KCNH5: variants seen among roughly 807,000 people sequenced by gnomAD.
The protein encoded by KCNH5 is voltage-gated delayed rectifier potassium channel KCNH5.
Under a neutral mutation model 96.1 loss-of-function variants are expected in KCNH5, and 46 were observed. The observed-to-expected ratio is 0.48, with a 90% CI of 0.38 to 0.61. The LOEUF (loss-of-function observed/expected upper bound fraction) is 0.61. Among genes scored for constraint, KCNH5 ranks in the 20% least tolerant of loss-of-function variants. The pLI, the probability that KCNH5 is intolerant of heterozygous loss-of-function variation, is 0.00. For synonymous variants in KCNH5, 439 were observed against 449.8 expected (o/e 0.98, Z 0.30); for missense variants, 907 against 1,225.8 (o/e 0.74, Z 3.88).
intron 9 of KCNH5, among the ~76,000 whole-genome samples, chr14:62,786,015 A>C (rs1019084670): frequency 1.3e-5 from 2 of 152,150 alleles, no homozygotes; most frequent in Admixed American, 1.3e-4. Context: ...ACATGGTGAA[A>C]TCCCATTTCT....
rs1363783793 is a variant in KCNH5, at chr14:62,813,622, G to C, written c.1570-11041C>G. Among the ~76,000 whole-genome samples, 5 of 152,262 alleles carry C rather than the reference G, an allele frequency of 3.3e-5. No individual in the cohort carries two copies. The East Asian group carries it at 9.7e-4, about 29-fold the overall frequency. ...GGAATAAATGCATTAATGACATTTT[G>C]ATAGACATTGGAGCTACCACCAAAT... On this transcript the variant is annotated intron_variant, in intron 8 of 10. Transcript: ENST00000322893.
intron 6 of KCNH5, among the ~76,000 whole-genome samples, chr14:62,977,537 A>G (rs1286019477): frequency 6.6e-6 from 1 of 152,170 alleles, no homozygotes; most frequent in Non-Finnish European, 1.5e-5. Flanking sequence ...AAAACCTAAA[A>G]TTGACAAACC....
chr14:62,936,852 A>T (rs1413325954), intron 7 of KCNH5, among the ~76,000 whole-genome samples: 1 of 151,714 alleles, frequency 6.6e-6, no homozygotes, highest in African/African-American at 2.4e-5. Context: ...GTGGTGGCAC[A>T]TGCCTGTAAT....
chr14:62,811,668 C>A (rs1464201979), intron 8 of KCNH5, among the ~76,000 whole-genome samples: 2 of 151,860 alleles, frequency 1.3e-5, no homozygotes, highest in African/African-American at 4.8e-5. Context: ...ACAGAATTAT[C>A]AATAGATATT....
intron 10 of KCNH5, among the ~76,000 whole-genome samples, chr14:62,756,005 C>T (rs190773308): frequency 8.6e-5 from 13 of 151,702 alleles, no homozygotes; most frequent in Admixed American, 6.6e-4. Flanking sequence ...TAGTACTATA[C>T]CAAATGGGGA....
chr14:62,853,356 T>A (rs996766945), intron 7 of KCNH5, among the ~76,000 whole-genome samples: 1 of 149,872 alleles, frequency 6.7e-6, no homozygotes, highest in African/African-American at 2.5e-5. Flanking sequence ...AGATAACGCA[T>A]ATAAAAAAGT....
intron 7 of KCNH5, among the ~76,000 whole-genome samples, chr14:62,894,307 GA>G (rs1168375316): frequency 5.9e-5 from 9 of 152,138 alleles, no homozygotes; most frequent in African/African-American, 2.2e-4. Context: ...CAGGCACACT[GA>G]ATCTAAGTAT....
intron 6 of KCNH5, among the ~76,000 whole-genome samples, chr14:62,970,527 A>G (rs939488927): frequency 6.6e-6 from 1 of 152,216 alleles, no homozygotes; most frequent in African/African-American, 2.4e-5. Flanking sequence ...AGACAAAGAC[A>G]TTACAAGAAA....
At chr14:62,820,408 G>T (rs943159987) in intron 8 of KCNH5, among the ~76,000 whole-genome samples, 2 of 151,158 alleles carry the variant, frequency 1.3e-5, no homozygotes, top group Non-Finnish European at 3.0e-5. Context: ...GTGCAGTGGG[G>T]GTTTGTTGTA....
chr14:62,781,608 T>C (rs897859092), intron 9 of KCNH5, among the ~76,000 whole-genome samples: 3 of 152,212 alleles, frequency 2.0e-5, no homozygotes, highest in Non-Finnish European at 4.4e-5. Flanking sequence ...GGATGTTCCA[T>C]GCTGAGAAAA....
chr14:62,787,100 G>T (rs1351236564), intron 9 of KCNH5, among the ~76,000 whole-genome samples: 2 of 152,164 alleles, frequency 1.3e-5, no homozygotes, highest in African/African-American at 4.8e-5. Flanking sequence ...CATGTCAAAA[G>T]CTAAAATAGG....
intron 2 of KCNH5, among the ~76,000 whole-genome samples, chr14:63,015,293 G>A (rs1029232943): frequency 1.3e-5 from 2 of 152,010 alleles, no homozygotes; most frequent in East Asian, 3.9e-4. Flanking sequence ...GTAGGTTTAA[G>A]CGGGGTAGGA....
intron 7 of KCNH5, among the ~76,000 whole-genome samples, chr14:62,904,736 T>C (rs1888993511): frequency 6.6e-6 from 1 of 152,234 alleles, no homozygotes; most frequent in Non-Finnish European, 1.5e-5. Flanking sequence ...GGCTGGACTT[T>C]GATCAAATAA....
chr14:62,877,808 C>T (rs1229404738), intron 7 of KCNH5, among the ~76,000 whole-genome samples: 1 of 151,914 alleles, frequency 6.6e-6, no homozygotes, highest in African/African-American at 2.4e-5. Flanking sequence ...GGATCTAGAA[C>T]TTGAAATACC....
At chr14:62,946,707 G>A (rs1171172313) in intron 7 of KCNH5, among the ~76,000 whole-genome samples, 1 of 151,880 alleles carries the variant, frequency 6.6e-6, no homozygotes, top group Non-Finnish European at 1.5e-5. Context: ...TTAAACAGTA[G>A]TACATCCTAA....
chr14:62,815,782 G>A (rs1025472052), intron 8 of KCNH5, among the ~76,000 whole-genome samples: 5 of 151,948 alleles, frequency 3.3e-5, no homozygotes, highest in African/African-American at 1.2e-4. Flanking sequence ...GATTTTGAAA[G>A]TTGATGTTTA....
chr14:62,953,006 T>C (rs956201658), intron 6 of KCNH5, among the ~76,000 whole-genome samples: 2 of 151,996 alleles, frequency 1.3e-5, no homozygotes, highest in Non-Finnish European at 2.9e-5. Context: ...AAAGTATATA[T>C]AAAATATCAG....
At chr14:62,748,208 GA>G (rs1348309716) in intron 10 of KCNH5, among the ~76,000 whole-genome samples, 1 of 152,146 alleles carries the variant, frequency 6.6e-6, no homozygotes, top group Non-Finnish European at 1.5e-5. Flanking sequence ...AAAGTAAAAG[GA>G]GGCACGCATC....
intron 7 of KCNH5, among the ~76,000 whole-genome samples, chr14:62,900,516 C>T (rs1255202254): frequency 6.6e-6 from 1 of 152,084 alleles, no homozygotes; most frequent in South Asian, 2.1e-4. Flanking sequence ...GCTTTTCTTT[C>T]TTTTACATAA....
Sources: allele counts gnomAD v4.1 joint callset (sites outside exome capture counted in the v4.1 genomes callset), GRCh38; gene constraint gnomAD v4.1.1; transcripts MANE v1.5; gene names NCBI Gene and HGNC (gene_info 2026-07-23, HGNC 2026-07-21).